RASAL1: variants seen among roughly 807,000 people sequenced by gnomAD.
RASAL1 encodes the protein RAS protein activator like 1.
A neutral mutation model predicts 96.6 loss-of-function variants in RASAL1; 72 were observed. The ratio of observed to expected loss-of-function variants is 0.75; its 90% CI spans 0.62 to 0.91. The LOEUF is 0.91. RASAL1 is among the 40% of genes least tolerant of loss of function. The probability of loss-of-function intolerance (pLI) is 0.00; values close to 1 mark genes in which losing one functional copy is unlikely to be tolerated. For synonymous variants in RASAL1, 405 were observed against 430.4 expected (o/e 0.94, Z 0.73); for missense variants, 1,016 against 1,072.5 (o/e 0.95, Z 0.74).
intron 18 of RASAL1, chr12:113,103,230 CAA>C (rs1008769536): frequency 1.4e-5 from 2 of 145,504 alleles, no homozygotes; most frequent in Admixed American, 1.4e-4. Context: ...TATATAATAA[CAA>C]TGTTATTATT....
At position 113,122,574 on chromosome 12, in the gene RASAL1, C is replaced by G. The variant is rs184630780; in HGVS notation, c.299-936G>C. Among the ~76,000 whole-genome samples the G allele has an allele frequency of 3.9e-4, 59 of 152,046 alleles. No individual in the cohort carries two copies. In the East Asian group the frequency reaches 0.011, roughly 29 times the overall value. On this transcript the variant is annotated intron_variant, in intron 4 of 20. Coordinates refer to ENST00000548055, the MANE Select transcript of RASAL1 (RefSeq NM_001301202.2). ...TCCTGAACTCAAGCCATCTGCCTGC[C>G]TTGGCCTCCCAAAGTTCTGGGATTA...
chr12:113,117,052 TC>T lies in RASAL1; in HGVS notation c.731+20del. 6.4e-7 allele frequency: 1 copy of T among 1,551,432 alleles called. No homozygotes were observed. Among genetic ancestry groups the T allele is most frequent in the Non-Finnish European group, 8.8e-7 (1 of 1,133,478 alleles). ...CCGGCATGGCTCCAGCCTGGCCCCC[TC>T]CCTCTGCACCCACATTTACCCAGAA... On this transcript the variant is annotated intron_variant, in intron 8 of 20. Transcript: ENST00000548055.
At position 113,130,503 on chromosome 12, in the gene RASAL1, G is replaced by A. The variant is rs1254651117; in HGVS notation, c.122+382C>T. On this transcript the variant is annotated intron_variant, in intron 2 of 20. Transcript: ENST00000548055. The surrounding 1 kb of genome is among the most constrained non-coding windows in gnomAD (Gnocchi z 5.1). ...AACTCACAAGCAGGCCCAGCTGGGC[G>A]GGTGCACACACAGACACACATGCAC... Among the ~76,000 whole-genome samples, 5 of 152,016 alleles carry A rather than the reference G, an allele frequency of 3.3e-5. No individual in the cohort carries two copies. Among genetic ancestry groups the A allele is most frequent in the Non-Finnish European group, 5.9e-5 (4 of 67,996 alleles).
chr12:113,115,358 C>T lies in RASAL1; in HGVS notation c.1004-94G>A. ...GGTGGGAGTCATGATTCTTCCAGCC[C>T]CAAGAATCAGGAAGACCCAAAACAT... On this transcript the variant is annotated intron_variant, in intron 10 of 20. Transcript: ENST00000548055. This position sits in a 1 kb window ranked among gnomAD's most constrained non-coding sequence, Gnocchi z 4.1. 2 of 1,280,242 alleles carry T rather than the reference C, an allele frequency of 1.6e-6. No homozygotes were observed. Among genetic ancestry groups the T allele is most frequent in the Admixed American group, 3.4e-5 (2 of 58,946 alleles). The allele number at this position is 1,280,242 out of a possible 1,614,324, so 79.3% of individuals were successfully genotyped here. A position where few individuals can be genotyped will look rare whatever the true frequency, so the allele number is the denominator to read the frequency against.
chr12:113,104,299 C>A lies in RASAL1; in HGVS notation c.1831-1G>T. On this transcript the variant is annotated splice_acceptor_variant, in intron 16 of 20. Transcript: ENST00000548055. LOFTEE classifies it high-confidence loss of function. The stretch of plus-strand genomic sequence containing the variant: ...GAGACACGGGGATGGAGTGACACAT[C>A]TGGGGAAGAGGATTGTCGCTGCAGG... 6.4e-7 allele frequency: 1 copy of A among 1,560,718 alleles called. No individual in the cohort carries two copies. Among genetic ancestry groups the A allele is most frequent in the Non-Finnish European group, 8.7e-7 (1 of 1,151,814 alleles).
At chr12:113,114,230 C>T (rs1301033116) in intron 12 of RASAL1, among the ~76,000 whole-genome samples, 3 of 152,002 alleles carry the variant, frequency 2.0e-5, no homozygotes, top group Admixed American at 1.3e-4. Context: ...CCCAGCACTT[C>T]GGGAGACCAA....
chr12:113,133,152 C>T (rs1054465276), intron 1 of RASAL1, among the ~76,000 whole-genome samples: 10 of 152,206 alleles, frequency 6.6e-5, no homozygotes, highest in East Asian at 1.9e-4. Flanking sequence ...TCCTGGGAGC[C>T]GAGCTCAGCA....
intron 18 of RASAL1, among the ~76,000 whole-genome samples, chr12:113,102,783 C>G (rs1950497827): frequency 1.3e-5 from 2 of 152,184 alleles, no homozygotes. Context: ...CATCCAGCCC[C>G]ACTTCTGCTC....
Position 113,115,485 on chromosome 12 carries a change from T to C in RASAL1, c.1003+150A>G. The stretch of plus-strand genomic sequence containing the variant: ...CCAGGGCCTGAACCTGCAATTGGGC[T>C]CCCAACTGTCTGGAGGTGCACAGCA... On this transcript the variant is annotated intron_variant, in intron 10 of 20. Coordinates refer to ENST00000548055, the MANE Select transcript of RASAL1 (RefSeq NM_001301202.2). The surrounding 1 kb of genome is among the most constrained non-coding windows in gnomAD (Gnocchi z 4.1). The C allele has an allele frequency of 1.7e-6, 2 of 1,188,514 alleles. No individual in the cohort carries two copies. The highest frequency in any genetic ancestry group is 2.3e-6 in the Non-Finnish European group (2 of 857,488). The allele number at this position is 1,188,514 out of a possible 1,614,324, so 73.6% of individuals were successfully genotyped here.
rs1352628246 is a variant in RASAL1, at chr12:113,114,886, C to T, written c.1095G>A (p.Glu365=). Residue 365 remains glutamate, a synonymous_variant, in exon 12 of 21, where the codon GAG becomes GAA. Coordinates refer to ENST00000548055, the MANE Select transcript of RASAL1 (RefSeq NM_001301202.2). ...CACGGCTAATCACAGGCTTCAGGAC[C>T]TCGTGCAGGTAGGGCATGCCCACGA... The part of the protein sequence containing the change: ...MKLVGMPYLH[E]VLKPVISRVF... The T allele has an allele frequency of 6.2e-7, 1 of 1,614,096 alleles. No homozygotes were observed.
chr12:113,118,791 C>A (rs797005632), intron 7 of RASAL1, among the ~76,000 whole-genome samples: 8 of 152,290 alleles, frequency 5.3e-5, no homozygotes, highest in African/African-American at 1.9e-4. Context: ...ACAGTCCCAG[C>A]CTCATAGGGT....
rs943859465 is a variant in RASAL1, at chr12:113,112,408, C to G, written c.1182-130G>C. On this transcript the variant is annotated intron_variant, in intron 12 of 20. Coordinates refer to ENST00000548055, the MANE Select transcript of RASAL1 (RefSeq NM_001301202.2). ...GTCCGCAGCCTCCTTCCTGCCCCTT[C>G]CCACCGGGTTTCTTGCTGTTGCTTA... is the stretch of plus-strand genomic sequence containing the variant. The G allele has an allele frequency of 4.3e-5, 27 of 632,838 alleles. No homozygotes were observed. The Admixed American group carries it at 5.6e-4, about 13-fold the overall frequency. 39.2% of individuals were successfully genotyped at this position (632,838 alleles called of 1,614,324 possible). A position where few individuals can be genotyped will look rare whatever the true frequency, so the allele number is the denominator to read the frequency against.
intron 13 of RASAL1, among the ~76,000 whole-genome samples, chr12:113,109,950 C>T (rs974759553): frequency 6.6e-6 from 1 of 152,246 alleles, no homozygotes; most frequent in African/African-American, 2.4e-5. Context: ...CTGGGTTCCC[C>T]GGGCCGGAGG....
chr12:113,115,535 C>G lies in RASAL1; in HGVS notation c.1003+100G>C. 6.8e-7 allele frequency: 1 copy of G among 1,464,050 alleles called. No individual in the cohort carries two copies. The highest frequency in any genetic ancestry group is 9.2e-7 in the Non-Finnish European group (1 of 1,090,188). The allele number at this position is 1,464,050 out of a possible 1,614,324, so 90.7% of individuals were successfully genotyped here. Reference sequence around the variant, plus strand: ...ACAGGGACCCACAGAAAAAGGAGCCCTTTTTCCCTCTGCCTGAGGCCTCCC... The same window carrying G: ...ACAGGGACCCACAGAAAAAGGAGCCGTTTTTCCCTCTGCCTGAGGCCTCCC... On this transcript the variant is annotated intron_variant, in intron 10 of 20. Coordinates refer to ENST00000548055, the MANE Select transcript of RASAL1 (RefSeq NM_001301202.2). This position sits in a 1 kb window ranked among gnomAD's most constrained non-coding sequence, Gnocchi z 4.1.
At chr12:113,113,428 A>G (rs7978460) in intron 12 of RASAL1, among the ~76,000 whole-genome samples, 16,698 of 152,216 alleles carry the variant, frequency 0.11, 1,103 homozygotes, top group Middle Eastern at 0.19. Flanking sequence ...TGCCCTGTCC[A>G]GGTCCCTACA....
At chr12:113,111,071 A>G (rs73207017) in intron 13 of RASAL1, among the ~76,000 whole-genome samples, 16,862 of 151,486 alleles carry the variant, frequency 0.11, 1,117 homozygotes, top group Middle Eastern at 0.19. Flanking sequence ...CACAGTCTTC[A>G]TGTCTCCCTA....
In RASAL1 at chr12:113,115,584, G is replaced by T; in HGVS notation, c.1003+51C>A. 1 of 1,593,760 alleles carries T rather than the reference G, an allele frequency of 6.3e-7. No homozygotes were observed. Among genetic ancestry groups the T allele is most frequent in the East Asian group, 2.2e-5 (1 of 44,636 alleles). ...CCCATTCCTCCCCCAGGACCCTCCT[G>T]CAAGCCCACCATTGAGGGCGGTGAT... is the stretch of plus-strand genomic sequence containing the variant. On this transcript the variant is annotated intron_variant, in intron 10 of 20. Transcript: ENST00000548055. The surrounding 1 kb of genome is among the most constrained non-coding windows in gnomAD (Gnocchi z 4.1).
chr12:113,122,295 A>G (rs931492639), intron 4 of RASAL1, among the ~76,000 whole-genome samples: 19 of 152,248 alleles, frequency 1.2e-4, no homozygotes, highest in Admixed American at 8.5e-4. Context: ...AAAATCTTGG[A>G]CATTTCTCCC....
intron 7 of RASAL1, among the ~76,000 whole-genome samples, chr12:113,117,476 GTTTAGGGACATAAA>G (rs2136192672): frequency 6.6e-6 from 1 of 152,326 alleles, no homozygotes; most frequent in East Asian, 1.9e-4. Flanking sequence ...TTTCAGCTCT[GTTTAGGGACATAAA>G]TTTCTTCTAT....
Sources: allele counts gnomAD v4.1 joint callset (sites outside exome capture counted in the v4.1 genomes callset), GRCh38; gene constraint gnomAD v4.1.1; non-coding constraint Gnocchi (gnomAD v3.1); transcripts MANE v1.5; gene names NCBI Gene and HGNC (gene_info 2026-07-23, HGNC 2026-07-21).